Variants in NECTIN3 observed in about 807,000 individuals in gnomAD.
NECTIN3 encodes the protein nectin-3.
NECTIN3 carries 8 observed loss-of-function variants against 49.4 expected under a neutral mutation model. That is an observed-to-expected ratio of 0.16 (90% CI 0.10 to 0.29). NECTIN3 has a LOEUF of 0.29. NECTIN3 is among the 10% of genes least tolerant of loss of function. NECTIN3 has a pLI of 1.00. For synonymous variants in NECTIN3, 277 were observed against 241.1 expected (o/e 1.15, Z -1.38); for missense variants, 581 against 654.6 (o/e 0.89, Z 1.23).
At position 111,135,390 on chromosome 3, in the gene NECTIN3, TG is replaced by T; in HGVS notation, c.*1176del. 1 of 932,578 alleles carries T rather than the reference TG, an allele frequency of 1.1e-6. No individual in the cohort carries two copies. Among genetic ancestry groups the T allele is most frequent in the South Asian group, 5.0e-5 (1 of 20,176 alleles). 57.8% of individuals were successfully genotyped at this position (932,578 alleles called of 1,614,324 possible). A position where few individuals can be genotyped will look rare whatever the true frequency, so the allele number is the denominator to read the frequency against. ...TTAAAACTGGAAACATGAGGTTTTTTGTTTTTGTTTTTTTACATAATTACAT... is the reference window on the plus strand; with the variant it reads ...TTAAAACTGGAAACATGAGGTTTTTTTTTTTGTTTTTTTACATAATTACAT... On this transcript the variant is annotated 3_prime_UTR_variant, in exon 6 of 6. Transcript: ENST00000485303.
intron 7 of NECTIN3, among the ~76,000 whole-genome samples, chr3:111,163,082 G>T (rs1478320789): frequency 6.6e-6 from 1 of 152,134 alleles, no homozygotes. Context: ...TGGTGGCTGG[G>T]GCTGTAGTCA....
chr3:111,101,947 T>C (rs1351850164), intron 1 of NECTIN3, among the ~76,000 whole-genome samples: 2 of 152,176 alleles, frequency 1.3e-5, no homozygotes, highest in Non-Finnish European at 2.9e-5. Flanking sequence ...AATGGTCTTC[T>C]CAGCTTATGA....
intron 5 of NECTIN3, among the ~76,000 whole-genome samples, chr3:111,130,674 C>T (rs575156833): frequency 3.9e-5 from 6 of 152,168 alleles, no homozygotes; most frequent in Admixed American, 2.6e-4. Flanking sequence ...AATTTTGTTA[C>T]ACATTTTCCC....
In NECTIN3 at chr3:111,137,001, A is replaced by G. The variant is rs1378039129; in HGVS notation, c.*2786A>G. On this transcript the variant is annotated 3_prime_UTR_variant, in exon 6 of 6. Transcript: ENST00000485303. ...TATTGAGGAAACTATTAAGGTTTTCAGTAGTAAGTGTTGCTTCTAATAGCC... is the reference window on the plus strand; with the variant it reads ...TATTGAGGAAACTATTAAGGTTTTCGGTAGTAAGTGTTGCTTCTAATAGCC... 2.0e-6 allele frequency: 2 copies of G among 976,302 alleles called. No individual in the cohort carries two copies. Among genetic ancestry groups the G allele is most frequent in the Non-Finnish European group, 2.4e-6 (2 of 821,852 alleles). 60.5% of individuals were successfully genotyped at this position (976,302 alleles called of 1,614,324 possible).
chr3:111,154,904 A>C (rs950912601), intron 7 of NECTIN3, among the ~76,000 whole-genome samples: 3 of 152,090 alleles, frequency 2.0e-5, no homozygotes, highest in Non-Finnish European at 2.9e-5. Flanking sequence ...ATATAATTAG[A>C]TATTTTCTCC....
At chr3:111,183,063 G>A (rs1220609913) in intron 7 of NECTIN3, among the ~76,000 whole-genome samples, 1 of 151,622 alleles carries the variant, frequency 6.6e-6, no homozygotes, top group Non-Finnish European at 1.5e-5. Flanking sequence ...ATATATATTA[G>A]ATGAATTTTA....
At chr3:111,138,936 A>G (rs1453463612), downstream of NECTIN3, among the ~76,000 whole-genome samples, 1 of 151,580 alleles carries the variant, frequency 6.6e-6, no homozygotes, top group Non-Finnish European at 1.5e-5. Flanking sequence ...CAAAGGTAGG[A>G]TCTAGGTGAC....
intron 1 of NECTIN3, among the ~76,000 whole-genome samples, chr3:111,098,069 A>C (rs1178131914): frequency 2.0e-5 from 3 of 152,116 alleles, no homozygotes; most frequent in African/African-American, 7.2e-5. Context: ...AGGAAGCTGA[A>C]ACCTATTGAG....
Position 111,134,653 on chromosome 3 carries a change from A to G in NECTIN3, c.*438A>G, listed in dbSNP as rs1559801355. On this transcript the variant is annotated 3_prime_UTR_variant, in exon 6 of 6. Coordinates refer to ENST00000485303, the MANE Select transcript of NECTIN3 (RefSeq NM_015480.3). Reference sequence around the variant, plus strand: ...ATCACCACTCAATGACACTGCATCAAAATTGACTATAAAACTAATTCAAGA... The same window carrying G: ...ATCACCACTCAATGACACTGCATCAGAATTGACTATAAAACTAATTCAAGA... 1.2e-6 allele frequency: 1 copy of G among 868,104 alleles called. No homozygotes were observed. The highest frequency in any genetic ancestry group is 5.3e-5 in the South Asian group (1 of 18,812). The allele number at this position is 868,104 out of a possible 1,614,324, so 53.8% of individuals were successfully genotyped here. A position where few individuals can be genotyped will look rare whatever the true frequency, so the allele number is the denominator to read the frequency against.
Position 111,112,379 on chromosome 3 carries a change from T to A in NECTIN3, c.502+8T>A, listed in dbSNP as rs1417484896. 6.7e-7 allele frequency: 1 copy of A among 1,491,234 alleles called. No individual in the cohort carries two copies. The highest frequency in any genetic ancestry group is 2.3e-5 in the East Asian group (1 of 43,292). 92.4% of individuals were successfully genotyped at this position (1,491,234 alleles called of 1,614,324 possible). A position where few individuals can be genotyped will look rare whatever the true frequency, so the allele number is the denominator to read the frequency against. On this transcript the variant is annotated splice_region_variant and intron_variant, in intron 2 of 5. Coordinates refer to ENST00000485303, the MANE Select transcript of NECTIN3 (RefSeq NM_015480.3). The stretch of plus-strand genomic sequence containing the variant: ...CAACTGTAACTGTGTTAGGTAGGTA[T>A]GCTTGAATTATGTATTTTGGTGATA...
At chr3:111,129,034 T>C (rs1481260389) in intron 5 of NECTIN3, among the ~76,000 whole-genome samples, 1 of 152,196 alleles carries the variant, frequency 6.6e-6, no homozygotes, top group East Asian at 1.9e-4. Context: ...TCTTATATGT[T>C]TTGCTCATTG....
At chr3:111,104,389 G>C (rs9853370) in intron 1 of NECTIN3, among the ~76,000 whole-genome samples, 123,775 of 148,198 alleles carry the variant, frequency 0.84, 54,387 homozygotes, top group Non-Finnish European at 0.97. Flanking sequence ...GGCATGACTG[G>C]AGTTTACTGC....
chr3:111,072,770 C>T (rs2030880901), intron 1 of NECTIN3: 2 of 550,786 alleles, frequency 3.6e-6, no homozygotes, highest in African/African-American at 2.0e-5. Context: ...ACCCTCGTCC[C>T]TGCCCTCCAG....
upstream of NECTIN3, among the ~76,000 whole-genome samples, chr3:111,189,213 G>T (rs2035773323): frequency 6.6e-6 from 1 of 152,114 alleles, no homozygotes; most frequent in African/African-American, 2.4e-5. Flanking sequence ...AGAAGTGTCA[G>T]ACTTAGAAAT....
chr3:111,163,547 G>A (rs966168997), intron 7 of NECTIN3, among the ~76,000 whole-genome samples: 1 of 152,124 alleles, frequency 6.6e-6, no homozygotes, highest in Non-Finnish European at 1.5e-5. Context: ...AAAATGCTGG[G>A]TAAATATCAA....
rs187894098 is a variant in NECTIN3, at chr3:111,089,588, A to G, written c.160+17411A>G. ...TATTTTGAGATTTTTGCTTAAGTAA[A>G]TGGGATTTTAAAGTTATCTTTCTTA... On this transcript the variant is annotated intron_variant, in intron 1 of 5. Transcript: ENST00000485303. Among the ~76,000 whole-genome samples the G allele has an allele frequency of 5.6e-3, 848 of 152,160 alleles. 7 individuals carry two copies. Among genetic ancestry groups the G allele is most frequent in the African/African-American group, 0.019 (807 of 41,512 alleles).
downstream of NECTIN3, among the ~76,000 whole-genome samples, chr3:111,139,662 T>A (rs1559804716): frequency 6.6e-6 from 1 of 151,770 alleles, no homozygotes; most frequent in Non-Finnish European, 1.5e-5. Context: ...TCTGAATAAT[T>A]GTCATGCTGC....
chr3:111,075,039 A>G (rs2031081748), intron 1 of NECTIN3: 1 of 152,100 alleles, frequency 6.6e-6, no homozygotes, highest in Admixed American at 6.6e-5. Flanking sequence ...AGCACAGAAA[A>G]GAAGATCTGA....
chr3:111,082,055 G>A (rs1389841665), intron 1 of NECTIN3, among the ~76,000 whole-genome samples: 3 of 152,188 alleles, frequency 2.0e-5, no homozygotes, highest in African/African-American at 7.2e-5. Flanking sequence ...ATAAATGACA[G>A]TTTTGCAAAG....
Sources: gnomAD v4.1 joint callset for allele counts (sites outside exome capture counted in the v4.1 genomes callset) on GRCh38, gnomAD v4.1.1 for gene constraint, MANE v1.5 for transcripts, NCBI Gene and HGNC (gene_info 2026-07-23, HGNC 2026-07-21) for gene names.